Variants in ASDURF observed in about 807,000 individuals in gnomAD.
ASDURF encodes the protein ASDURF protein.
A neutral mutation model predicts 3.3 loss-of-function variants in ASDURF; 3 were observed. The ratio of observed to expected loss-of-function variants is 0.92; its 90% CI spans 0.42 to 2.37. The LOEUF (loss-of-function observed/expected upper bound fraction) is 2.37. Ranked by LOEUF, ASDURF falls within the 30% of genes most tolerant of loss-of-function variation. The pLI is 0.05. For missense variants in ASDURF, 23 were observed against 25.4 expected (o/e 0.90, Z 0.21); for synonymous variants, 11 against 8.3 (o/e 1.32, Z -0.55).
intron 3 of ASDURF, among the ~76,000 whole-genome samples, 165 bp downstream of exon 3, chr2:189,665,616 A>ACATATATATATATGTG (rs1559034453): frequency 9.3e-6 from 1 of 107,000 alleles, no homozygotes; most frequent in African/African-American, 3.7e-5. Flanking sequence ...ATATATATAT[A>ACATATATATATATGTG]TATATATATA....
At chr2:189,664,929 A>C (rs1052116548) in intron 2 of ASDURF, among the ~76,000 whole-genome samples, 5 of 152,218 alleles carry the variant, frequency 3.3e-5, no homozygotes, top group Admixed American at 1.3e-4. Context: ...TAATCATCAC[A>C]ACCTTGATTT....
intron 2 of ASDURF, among the ~76,000 whole-genome samples, chr2:189,664,297 CTT>C (rs756877748): frequency 2.0e-5 from 3 of 152,152 alleles, no homozygotes; most frequent in Non-Finnish European, 4.4e-5. Flanking sequence ...TGAGAAGAAA[CTT>C]TTCTTTTAAA....
intron 2 of ASDURF, 157 bp from the exon 3 acceptor site, chr2:189,665,219 G>A (rs906039492): frequency 7.1e-5 from 26 of 366,300 alleles, no homozygotes; most frequent in African/African-American, 2.7e-4. Context: ...TCTGGTAGTT[G>A]GGCAGTGGGT....
At chr2:189,665,703 G>T (rs1329237634) in intron 3 of ASDURF, among the ~76,000 whole-genome samples, 1 of 146,584 alleles carries the variant, frequency 6.8e-6, no homozygotes, top group African/African-American at 2.5e-5. Context: ...TTTTAAACAG[G>T]TCTAAGTATG....
chr2:189,665,951 G>A (rs2032791639), intron 3 of ASDURF, 90 bp from the exon 4 acceptor site: 1 of 551,056 alleles, frequency 1.8e-6, no homozygotes, highest in African/African-American at 1.9e-5. Flanking sequence ...GTTTGATTTT[G>A]GTAAACAGCT....
At chr2:189,665,585 T>G in intron 3 of ASDURF, 134 bp downstream of exon 3, 1 of 21,736 alleles carries the variant, frequency 4.6e-5, no homozygotes, top group Non-Finnish European at 1.0e-4. Flanking sequence ...AGTCAACAGT[T>G]ATATATATAT....
intron 1 of ASDURF, among the ~76,000 whole-genome samples, chr2:189,662,461 A>G (rs928467798): frequency 3.3e-5 from 5 of 152,216 alleles, no homozygotes; most frequent in African/African-American, 4.8e-5. Context: ...CCCTGTATAA[A>G]TGTTAAGTCT....
chr2:189,661,704 C>G, intron 1 of ASDURF, 94 bp downstream of exon 1: 1 of 398,860 alleles, frequency 2.5e-6, no homozygotes, highest in Non-Finnish European at 4.4e-6. Flanking sequence ...TGGGGCCTGC[C>G]TGGGCCTCGG....
chr2:189,661,932 A>G (rs1485637373), intron 1 of ASDURF, among the ~76,000 whole-genome samples: 8 of 152,130 alleles, frequency 5.3e-5, no homozygotes, highest in Non-Finnish European at 1.2e-4. Context: ...CATCAAAGAT[A>G]TTCTCCATCC....
chr2:189,666,220 C>T lies in ASDURF; in HGVS notation c.*109C>T, dbSNP rs1291317485. On this transcript the variant is annotated 3_prime_UTR_variant, in exon 4 of 4. Transcript: ENST00000607829. ...GGACTTACTATATAATCTTAAACAGCGGGGACCCAATAGTAGTAAACAATT... is the reference window on the plus strand; with the variant it reads ...GGACTTACTATATAATCTTAAACAGTGGGGACCCAATAGTAGTAAACAATT... 13 of 1,613,560 alleles carry T rather than the reference C, an allele frequency of 8.1e-6. No homozygotes were observed. The highest frequency in any genetic ancestry group is 4.5e-5 in the East Asian group (2 of 44,880).
At chr2:189,664,497 A>G (rs544602193) in intron 2 of ASDURF, among the ~76,000 whole-genome samples, 217 of 152,378 alleles carry the variant, frequency 1.4e-3, no homozygotes, top group Non-Finnish European at 2.9e-3. Context: ...ATTCAGGAAG[A>G]AATGAGTTTG....
At chr2:189,665,592 A>ATATG (rs1553502047) in intron 3 of ASDURF, 141 bp downstream of exon 3, 10 of 12,770 alleles carry the variant, frequency 7.8e-4, no homozygotes, top group Non-Finnish European at 1.8e-3. Flanking sequence ...AGTTATATAT[A>ATATG]TATGTGTATA....
At chr2:189,662,626 G>C (rs1032528266) in intron 1 of ASDURF, among the ~76,000 whole-genome samples, 4 of 152,238 alleles carry the variant, frequency 2.6e-5, no homozygotes, top group Admixed American at 2.0e-4. Context: ...AGCCACTTAC[G>C]CATACTGGTG....
chr2:189,664,780 T>C (rs1179328274), intron 2 of ASDURF, among the ~76,000 whole-genome samples: 1 of 151,556 alleles, frequency 6.6e-6, no homozygotes, highest in East Asian at 1.9e-4. Context: ...GCAGAATTAA[T>C]ACAGACTTTC....
At position 189,661,512 on chromosome 2, in the gene ASDURF, T is replaced by A. The variant is rs2032662482; in HGVS notation, c.-9T>A. On this transcript the variant is annotated 5_prime_UTR_variant, in exon 1 of 4. Coordinates refer to ENST00000607829, the MANE Select transcript of ASDURF (RefSeq NM_001353493.2). ...CTGAGCCATCCCGCGTGTCTTGCGC[T>A]CGGTGGAAATGCCCAGCCGAGGGAC... The A allele has an allele frequency of 2.5e-6, 1 of 399,074 alleles. No homozygotes were observed. The highest frequency in any genetic ancestry group is 4.4e-6 in the Non-Finnish European group (1 of 226,214). 24.7% of individuals were successfully genotyped at this position (399,074 alleles called of 1,614,324 possible). A position where few individuals can be genotyped will look rare whatever the true frequency, so the allele number is the denominator to read the frequency against.
chr2:189,666,152 C>T lies in ASDURF; in HGVS notation c.*41C>T, dbSNP rs780643376. ...ATAACAATGTGTGGCATTTGTTGTTCTGTAAACTTTTCTGCTGAGCATTTC... is the reference window on the plus strand; with the variant it reads ...ATAACAATGTGTGGCATTTGTTGTTTTGTAAACTTTTCTGCTGAGCATTTC... On this transcript the variant is annotated 3_prime_UTR_variant, in exon 4 of 4. Transcript: ENST00000607829. The T allele has an allele frequency of 1.9e-6, 3 of 1,579,658 alleles. No individual in the cohort carries two copies. In the Admixed American group the frequency reaches 5.6e-5, roughly 29 times the overall value.
chr2:189,662,939 A>G (rs903091236), intron 1 of ASDURF, among the ~76,000 whole-genome samples: 24 of 100,800 alleles, frequency 2.4e-4, no homozygotes, highest in Non-Finnish European at 4.0e-4. Context: ...ACAGAGCAAG[A>G]CCCTGTTTCA....
rs1559034518 is a variant in ASDURF at position 189,665,636 on chromosome 2, ATATATATATATT to A, written c.220+186_220+197del. On this transcript the variant is annotated intron_variant, in intron 3 of 3. Transcript: ENST00000607829. Reference sequence around the variant, plus strand: ...TATATATATATATATATATATATATATATATATATATTATAAATGTTTTAGAAAGCAATAGTT... The same window carrying A: ...TATATATATATATATATATATATATAATAAATGTTTTAGAAAGCAATAGTT... Among the ~76,000 whole-genome samples the A allele has an allele frequency of 3.0e-4, 33 of 110,416 alleles. 2 individuals carry two copies. In the South Asian group the frequency reaches 3.7e-3, roughly 13 times the overall value. 72.4% of individuals were successfully genotyped at this position (110,416 alleles called of 152,430 possible).
At chr2:189,665,624 A>ATGTG (rs2032780239) in intron 3 of ASDURF, among the ~76,000 whole-genome samples, 173 bp downstream of exon 3, 1 of 121,780 alleles carries the variant, frequency 8.2e-6, no homozygotes, top group Non-Finnish European at 1.7e-5. Context: ...ATATATATAT[A>ATGTG]TATATATATA....
Sources: gnomAD v4.1 joint callset for allele counts (sites outside exome capture counted in the v4.1 genomes callset) on GRCh38, gnomAD v4.1.1 for gene constraint, MANE v1.5 for transcripts, NCBI Gene and HGNC (gene_info 2026-07-23, HGNC 2026-07-21) for gene names.